The following CNTNAP4 variants were observed in gnomAD, a reference collection of about 807,000 sequenced individuals.
The protein encoded by CNTNAP4 is contactin-associated protein-like 4.
Under a neutral mutation model 148.4 loss-of-function variants are expected in CNTNAP4, and 98 were observed. The ratio of observed to expected loss-of-function variants is 0.66; its 90% confidence interval spans 0.56 to 0.78. The LOEUF (loss-of-function observed/expected upper bound fraction) is 0.78, where lower values mean the gene tolerates loss of function less well. CNTNAP4 is among the 30% of genes least tolerant of loss of function. The pLI is 0.00. For synonymous variants in CNTNAP4, 730 were observed against 565.1 expected, an observed-to-expected ratio of 1.29 and a Z score of -4.14; for missense variants, 1,935 against 1,565.6, an observed-to-expected ratio of 1.24 and a Z score of -3.98.
intron 15 of CNTNAP4, among the ~76,000 whole-genome samples, chr16:76,504,298 T>C (rs2082761410): frequency 6.6e-6 from 1 of 152,092 alleles, no homozygotes; most frequent in Non-Finnish European, 1.5e-5. Context: ...GACCCATGTA[T>C]ACATGGTTGC....
intron 1 of CNTNAP4, among the ~76,000 whole-genome samples, chr16:76,294,794 C>T (rs1959195116): frequency 6.6e-6 from 1 of 152,178 alleles, no homozygotes; most frequent in Non-Finnish European, 1.5e-5. Flanking sequence ...TGGTACCTGT[C>T]ATTACACATG....
At chr16:76,420,780 C>A (rs561453446) in intron 3 of CNTNAP4, among the ~76,000 whole-genome samples, 12 of 152,102 alleles carry the variant, frequency 7.9e-5, no homozygotes, top group African/African-American at 2.9e-4. Flanking sequence ...CTGGGCTCAC[C>A]TCTTTGGGTT....
At chr16:76,473,609 TA>T (rs1256828380) in intron 10 of CNTNAP4, among the ~76,000 whole-genome samples, 10 of 152,030 alleles carry the variant, frequency 6.6e-5, no homozygotes, top group Admixed American at 3.9e-4. Context: ...CCGTCTCTAC[TA>T]AAAAATACAA....
At chr16:76,465,057 A>G (rs575569759) in intron 9 of CNTNAP4, among the ~76,000 whole-genome samples, 1 of 152,288 alleles carries the variant, frequency 6.6e-6, no homozygotes, top group East Asian at 1.9e-4. Flanking sequence ...TAAAGCAAAC[A>G]TTCTCCATCC....
At chr16:76,419,880 C>T (rs563730957) in intron 3 of CNTNAP4, among the ~76,000 whole-genome samples, 2 of 152,146 alleles carry the variant, frequency 1.3e-5, no homozygotes, top group African/African-American at 4.8e-5. Flanking sequence ...TCTGAGCTCT[C>T]TTCGTATTCT....
chr16:76,330,941 A>G (rs1963449892), intron 2 of CNTNAP4, among the ~76,000 whole-genome samples: 1 of 152,242 alleles, frequency 6.6e-6, no homozygotes, highest in Non-Finnish European at 1.5e-5. Context: ...AGTGCTGGAT[A>G]GATCTGTAAA....
At chr16:76,494,829 T>A in intron 13 of CNTNAP4, 81 bp from the exon 14 acceptor site, 1 of 1,367,706 alleles carries the variant, frequency 7.3e-7, no homozygotes, top group Non-Finnish European at 1.0e-6. Context: ...TTTTAATGAT[T>A]TTGGAAGAAA....
In CNTNAP4 at chr16:76,383,959, G is replaced by A. The variant is rs577842607; in HGVS notation, c.390+28448G>A. Among the ~76,000 whole-genome samples, 28 of 152,184 alleles carry A rather than the reference G, an allele frequency of 1.8e-4. No individual in the cohort carries two copies. The South Asian group carries it at 5.8e-3, about 32-fold the overall frequency. On this transcript the variant is annotated intron_variant, in intron 3 of 23. Transcript: ENST00000611870. ...ATAAAAATGTTAATGACAGATAAAT[G>A]TTTTCTCCTCTTTAAATTTTTAGTA... is the stretch of plus-strand genomic sequence containing the variant.
chr16:76,393,648 G>C (rs569762875), intron 3 of CNTNAP4, among the ~76,000 whole-genome samples: 1 of 151,990 alleles, frequency 6.6e-6, no homozygotes, highest in Non-Finnish European at 1.5e-5. Context: ...GACTTCATGG[G>C]GGGTGGGTGA....
intron 21 of CNTNAP4, among the ~76,000 whole-genome samples, chr16:76,546,459 T>A (rs574868564): frequency 4.1e-4 from 63 of 152,240 alleles, no homozygotes; most frequent in Non-Finnish European, 1.0e-4. Context: ...GAACTGCACA[T>A]GTGAAGGATC....
intron 15 of CNTNAP4, among the ~76,000 whole-genome samples, chr16:76,504,022 A>C (rs1182979675): frequency 6.6e-6 from 1 of 152,098 alleles, no homozygotes; most frequent in Non-Finnish European, 1.5e-5. Context: ...TCCCAAATTT[A>C]TATATAGACT....
chr16:76,476,096 C>A, intron 11 of CNTNAP4, 51 bp downstream of exon 11: 3 of 1,290,406 alleles, frequency 2.3e-6, no homozygotes, highest in African/African-American at 1.5e-5. Context: ...TTTCTTTGTC[C>A]CATTTCCCTT....
At chr16:76,343,783 G>A (rs999823382) in intron 2 of CNTNAP4, among the ~76,000 whole-genome samples, 11 of 151,848 alleles carry the variant, frequency 7.2e-5, no homozygotes, top group Middle Eastern at 3.2e-3. Flanking sequence ...TTTAAAACAC[G>A]TGTAATAATC....
chr16:76,456,844 T>C (rs1236057815), intron 8 of CNTNAP4, among the ~76,000 whole-genome samples: 2 of 152,046 alleles, frequency 1.3e-5, no homozygotes, highest in African/African-American at 4.8e-5. Context: ...GTTTTCTGTT[T>C]TCCTTCAGCT....
At chr16:76,296,756 C>G (rs907720599) in intron 1 of CNTNAP4, among the ~76,000 whole-genome samples, 3 of 152,078 alleles carry the variant, frequency 2.0e-5, no homozygotes, top group Non-Finnish European at 4.4e-5. Flanking sequence ...TTTGCTGTAT[C>G]TAAGGATTCA....
At chr16:76,305,720 G>T (rs1960410897) in intron 1 of CNTNAP4, among the ~76,000 whole-genome samples, 1 of 152,068 alleles carries the variant, frequency 6.6e-6, no homozygotes, top group Admixed American at 6.6e-5. Context: ...GATACAGGGG[G>T]TACATGTGTA....
At chr16:76,338,503 C>G (rs896521574) in intron 2 of CNTNAP4, among the ~76,000 whole-genome samples, 1 of 152,144 alleles carries the variant, frequency 6.6e-6, no homozygotes, top group Non-Finnish European at 1.5e-5. Context: ...CTGTGGCCTT[C>G]CAGTGTCCCA....
chr16:76,305,302 A>AT (rs1347977846), intron 1 of CNTNAP4, among the ~76,000 whole-genome samples: 5 of 151,874 alleles, frequency 3.3e-5, no homozygotes, highest in Non-Finnish European at 7.4e-5. Context: ...AGGTAGTGGG[A>AT]TTTTTTGGTT....
rs375488976 is a variant in CNTNAP4, at chr16:76,291,616, T to C, written c.85+13869T>C. 2.0e-5 allele frequency among the ~76,000 whole-genome samples: 3 copies of C among 152,360 alleles called. 1 individual carries two copies. In the East Asian group the frequency reaches 5.8e-4, roughly 29 times the overall value. ...CAAAAGTTGATTGTACAGTTTGTTT[T>C]ATCTGGCACTTTCCCACTTCGTAAT... On this transcript the variant is annotated intron_variant, in intron 1 of 23. Coordinates refer to ENST00000611870, the MANE Select transcript of CNTNAP4 (RefSeq NM_033401.5).
Sources: gnomAD v4.1 joint callset for allele counts (sites outside exome capture counted in the v4.1 genomes callset) on GRCh38, gnomAD v4.1.1 for gene constraint, MANE v1.5 for transcripts, NCBI Gene and HGNC (gene_info 2026-07-23, HGNC 2026-07-21) for gene names.